GUCY1A2: variants seen among roughly 807,000 people sequenced by gnomAD.
The protein encoded by GUCY1A2 is guanylate cyclase soluble subunit alpha-2.
Under a neutral mutation model 63.5 loss-of-function variants are expected in GUCY1A2, and 27 were observed. That is an observed-to-expected ratio of 0.43 (90% CI 0.31 to 0.59). The LOEUF (loss-of-function observed/expected upper bound fraction) is 0.59. Among genes scored for constraint, GUCY1A2 ranks in the 20% least tolerant of loss-of-function variants. GUCY1A2 has a pLI of 0.11. For synonymous variants in GUCY1A2, 364 were observed against 343.5 expected (o/e 1.06, Z -0.66); for missense variants, 768 against 913.3 (o/e 0.84, Z 2.05).
At chr11:106,745,826 G>A (rs143751881) in intron 6 of GUCY1A2, among the ~76,000 whole-genome samples, 2 of 152,058 alleles carry the variant, frequency 1.3e-5, no homozygotes, top group Non-Finnish European at 2.9e-5. Context: ...TCCTACTATA[G>A]TTCTGTGCTA....
intron 4 of GUCY1A2, among the ~76,000 whole-genome samples, chr11:106,909,614 A>C (rs1860264802): frequency 6.6e-6 from 1 of 151,796 alleles, no homozygotes; most frequent in Non-Finnish European, 1.5e-5. Context: ...ACAGTATCTA[A>C]TCTTTCAGGG....
Position 106,939,951 on chromosome 11 carries a change from A to G in GUCY1A2, c.715T>C (p.Tyr239His), listed in dbSNP as rs1206287467. ...ELPEGTLMLHYFHPHHIVGFA... is the reference protein window; with the variant it reads ...ELPEGTLMLHHFHPHHIVGFA... ...CCCACAATATGGTGAGGGTGGAAGT[A>G]GTGGAGCATGAGAGTACCTTCAGGG... Residue 239 changes from tyrosine (Y) to histidine (H), a missense_variant, in exon 4 of 8, where the codon TAC becomes CAC. Physicochemically the swap from Tyr to His is moderately conservative, Grantham distance 83. Coordinates refer to ENST00000526355, the MANE Select transcript of GUCY1A2 (RefSeq NM_000855.3). The G allele has an allele frequency of 1.9e-6, 3 of 1,613,832 alleles. No individual in the cohort carries two copies. The highest frequency in any genetic ancestry group is 2.5e-6 in the Non-Finnish European group (3 of 1,179,766).
At chr11:106,897,435 C>T (rs7130801) in intron 4 of GUCY1A2, among the ~76,000 whole-genome samples, 23,838 of 151,832 alleles carry the variant, frequency 0.16, 2,184 homozygotes, top group South Asian at 0.28. Context: ...TGACATTACC[C>T]AACCTCAAGA....
chr11:106,858,520 A>G (rs1001592540), intron 4 of GUCY1A2, among the ~76,000 whole-genome samples: 2 of 152,100 alleles, frequency 1.3e-5, no homozygotes, highest in African/African-American at 2.4e-5. Context: ...GAATTAGGAA[A>G]CTTGGCTAGG....
intron 1 of GUCY1A2, among the ~76,000 whole-genome samples, chr11:107,001,250 CTG>C (rs1182906073): frequency 1.3e-5 from 2 of 152,186 alleles, no homozygotes; most frequent in African/African-American, 4.8e-5. Flanking sequence ...CCCCAAATAA[CTG>C]AGACATCTCA....
At chr11:106,922,592 GTTTC>G (rs1860460512) in intron 4 of GUCY1A2, among the ~76,000 whole-genome samples, 1 of 145,254 alleles carries the variant, frequency 6.9e-6, no homozygotes, top group African/African-American at 2.6e-5. Context: ...TACTTCATGG[GTTTC>G]TTTTATTCAA....
rs915501005 is a variant in GUCY1A2, at chr11:106,680,801, C to T, written c.*6748G>A. ...AAGACAAAATATCGAACACACCCAC[C>T]ATTCAAATGGGTTCATATTCATGTT... On this transcript the variant is annotated 3_prime_UTR_variant, in exon 8 of 8. Coordinates refer to ENST00000526355, the MANE Select transcript of GUCY1A2 (RefSeq NM_000855.3). The T allele has an allele frequency of 2.4e-5, 5 of 207,526 alleles. No individual in the cohort carries two copies. The highest frequency in any genetic ancestry group is 9.1e-5 in the African/African-American group (4 of 43,866). The allele number at this position is 207,526 out of a possible 1,614,324, so 12.9% of individuals were successfully genotyped here.
chr11:106,813,957 T>C (rs939790245), intron 4 of GUCY1A2, among the ~76,000 whole-genome samples: 6 of 152,096 alleles, frequency 3.9e-5, no homozygotes, highest in African/African-American at 1.4e-4. Context: ...GGTTAAGAGA[T>C]TTGTAAAGAA....
intron 3 of GUCY1A2, among the ~76,000 whole-genome samples, chr11:106,957,847 G>C (rs1007227283): frequency 1.5e-4 from 19 of 127,268 alleles, no homozygotes; most frequent in Non-Finnish European, 2.2e-4. Context: ...TCTGAGCAAA[G>C]GGACAAACTT....
At chr11:106,797,702 A>G (rs1190450117) in intron 5 of GUCY1A2, among the ~76,000 whole-genome samples, 2 of 152,194 alleles carry the variant, frequency 1.3e-5, no homozygotes, top group Non-Finnish European at 2.9e-5. Context: ...AAAAATAAAG[A>G]TGTTCTTTGA....
chr11:106,890,338 A>T (rs573760346), intron 4 of GUCY1A2, among the ~76,000 whole-genome samples: 3 of 152,170 alleles, frequency 2.0e-5, no homozygotes, highest in Admixed American at 2.0e-4. Flanking sequence ...ATGCTTCACA[A>T]TCTCACTACC....
chr11:106,857,721 T>C (rs572653428), intron 4 of GUCY1A2, among the ~76,000 whole-genome samples: 7 of 152,318 alleles, frequency 4.6e-5, no homozygotes, highest in East Asian at 1.9e-4. Flanking sequence ...TGAACATAGA[T>C]AGACTTTTTT....
In GUCY1A2 at chr11:106,722,350, G is replaced by C. The variant is rs1405223546; in HGVS notation, c.1837-13684C>G. Among the ~76,000 whole-genome samples, 6 of 151,804 alleles carry C rather than the reference G, an allele frequency of 4.0e-5. No individual in the cohort carries two copies. In the East Asian group the frequency reaches 1.2e-3, roughly 30 times the overall value. ...ACTAGACTTTCTAAAATTGTATGTT[G>C]AGATCCTCCCAAATTTAGCTATTTT... On this transcript the variant is annotated intron_variant, in intron 6 of 7. Coordinates refer to ENST00000526355, the MANE Select transcript of GUCY1A2 (RefSeq NM_000855.3).
chr11:106,943,217 A>C (rs1860774017), intron 3 of GUCY1A2, among the ~76,000 whole-genome samples: 1 of 152,218 alleles, frequency 6.6e-6, no homozygotes, highest in East Asian at 1.9e-4. Flanking sequence ...TTCAATTCAG[A>C]CAACTGATGC....
intron 4 of GUCY1A2, among the ~76,000 whole-genome samples, chr11:106,906,447 C>T (rs985336046): frequency 2.0e-5 from 3 of 152,142 alleles, no homozygotes; most frequent in Admixed American, 6.5e-5. Flanking sequence ...ACAACAAATG[C>T]TGGTGAGGCT....
chr11:106,780,885 G>A (rs1864447478), intron 5 of GUCY1A2, among the ~76,000 whole-genome samples: 1 of 151,944 alleles, frequency 6.6e-6, no homozygotes, highest in Admixed American at 6.6e-5. Flanking sequence ...CAGCTTTCCA[G>A]GAATGCTCCA....
intron 4 of GUCY1A2, among the ~76,000 whole-genome samples, chr11:106,828,759 AAT>A (rs1859011168): frequency 6.6e-6 from 1 of 152,208 alleles, no homozygotes; most frequent in Admixed American, 6.5e-5. Flanking sequence ...TCTGTGCCAG[AAT>A]ATGTTTTCAA....
intron 7 of GUCY1A2, among the ~76,000 whole-genome samples, chr11:106,706,444 C>T (rs983703548): frequency 1.3e-5 from 2 of 151,952 alleles, no homozygotes; most frequent in African/African-American, 4.8e-5. Context: ...TGATTTCATT[C>T]CTCAGACCTT....
At position 106,924,944 on chromosome 11, in the gene GUCY1A2, C is replaced by T. The variant is rs1860501868; in HGVS notation, c.1206+14516G>A. ...TCACCTGAGGCTGGGGAGGTCGAGG[C>T]TGCAGTGAGCCAAGATTACTCCACT... On this transcript the variant is annotated intron_variant, in intron 4 of 7. Transcript: ENST00000526355. 2.0e-5 allele frequency among the ~76,000 whole-genome samples: 3 copies of T among 151,990 alleles called. No homozygotes were observed. In the South Asian group the frequency reaches 6.2e-4, roughly 31 times the overall value.
Sources: allele counts gnomAD v4.1 joint callset (sites outside exome capture counted in the v4.1 genomes callset), GRCh38; gene constraint gnomAD v4.1.1; transcripts MANE v1.5; gene names NCBI Gene and HGNC (gene_info 2026-07-23, HGNC 2026-07-21).